EXOC6B: variants seen among roughly 807,000 people sequenced by gnomAD.
The protein encoded by EXOC6B is SEC15 homolog B.
In EXOC6B, 54 loss-of-function variants were observed where a neutral mutation model predicts 113.5. The observed-to-expected ratio is 0.48, with a 90% CI of 0.38 to 0.60. EXOC6B has a LOEUF of 0.60. EXOC6B is among the 20% of genes least tolerant of loss of function. The pLI, the probability that EXOC6B is intolerant of heterozygous loss-of-function variation, is 0.00. For synonymous variants in EXOC6B, 357 were observed against 339.0 expected, an observed-to-expected ratio of 1.05 and a Z score of -0.58; for missense variants, 797 against 977.5, an observed-to-expected ratio of 0.82 and a Z score of 2.46.
intron 18 of EXOC6B, among the ~76,000 whole-genome samples, chr2:72,388,197 C>T (rs536772134): frequency 6.6e-6 from 1 of 152,320 alleles, no homozygotes; most frequent in African/African-American, 2.4e-5. Context: ...AGAAACTTTG[C>T]TCCAACCAGT....
intron 8 of EXOC6B, among the ~76,000 whole-genome samples, chr2:72,551,590 C>T (rs1257859185): frequency 2.6e-5 from 4 of 151,748 alleles, no homozygotes; most frequent in Non-Finnish European, 4.4e-5. Flanking sequence ...CTGCAAGCTC[C>T]GCCTCCCGGG....
chr2:72,564,177 T>C (rs1704037654), intron 7 of EXOC6B, among the ~76,000 whole-genome samples: 1 of 152,168 alleles, frequency 6.6e-6, no homozygotes, highest in Non-Finnish European at 1.5e-5. Flanking sequence ...CCTCTACTGC[T>C]GATAAAGACA....
chr2:72,620,518 A>ATAATTTTAAATTTAAAT (rs1671682289), intron 6 of EXOC6B, among the ~76,000 whole-genome samples: 1 of 151,584 alleles, frequency 6.6e-6, no homozygotes, highest in African/African-American at 2.4e-5. Flanking sequence ...TAAATTTTAA[A>ATAATTTTAAATTTAAAT]TTTAAATTTA....
At position 72,815,264 on chromosome 2, in the gene EXOC6B, C is replaced by A. The variant is rs189760488; in HGVS notation, c.113+10534G>T. 3.3e-3 allele frequency among the ~76,000 whole-genome samples: 505 copies of A among 152,094 alleles called. 2 individuals carry two copies. Among genetic ancestry groups the A allele is most frequent in the African/African-American group, 0.011 (476 of 41,518 alleles). On this transcript the variant is annotated intron_variant, in intron 1 of 21. Coordinates refer to ENST00000272427, the MANE Select transcript of EXOC6B (RefSeq NM_015189.3). ...CTAGCACTTTGGGTGGCGAGGCAAG[C>A]GGATGGCTTGAGCCCAGGAGTTCGA...
chr2:72,517,367 T>C (rs1701267697), intron 8 of EXOC6B, among the ~76,000 whole-genome samples: 1 of 152,170 alleles, frequency 6.6e-6, no homozygotes, highest in African/African-American at 2.4e-5. Flanking sequence ...GGTTCATGGG[T>C]TATGGTTTGT....
chr2:72,431,190 TA>T (rs1695498323), intron 18 of EXOC6B, among the ~76,000 whole-genome samples: 1 of 152,210 alleles, frequency 6.6e-6, no homozygotes, highest in Non-Finnish European at 1.5e-5. Context: ...AGTGTTTAAA[TA>T]TTATAATTTT....
intron 8 of EXOC6B, among the ~76,000 whole-genome samples, chr2:72,545,230 G>A (rs1246436616): frequency 6.6e-6 from 1 of 152,030 alleles, no homozygotes; most frequent in African/African-American, 2.4e-5. Context: ...CCAGATCAAT[G>A]GTTGGTGAGA....
chr2:72,731,167 G>A lies in EXOC6B; in HGVS notation c.406C>T (p.Leu136=), dbSNP rs1680618405. 1 of 1,612,454 alleles carries A rather than the reference G, an allele frequency of 6.2e-7. No individual in the cohort carries two copies. Among genetic ancestry groups the A allele is most frequent in the Admixed American group, 1.7e-5 (1 of 59,840 alleles). The change falls in exon 4 of 22, where the codon CTG becomes TTG. Residue 136 remains leucine, a synonymous_variant. Transcript: ENST00000272427. The part of the protein sequence containing the change: ...NISATVDKLM[L]CLPVLEMYSK... ...TCCAGTTCCTCACCTGGAAGACACA[G>A]CATTAATTTATCAACAGTGGCAGAA...
chr2:72,276,028 G>A (rs754387725), intron 20 of EXOC6B, among the ~76,000 whole-genome samples: 1 of 152,126 alleles, frequency 6.6e-6, no homozygotes, highest in Non-Finnish European at 1.5e-5. Flanking sequence ...AGTAGGGAGT[G>A]GGGGATGGAG....
intron 6 of EXOC6B, among the ~76,000 whole-genome samples, chr2:72,587,040 G>T (rs751157049): frequency 3.9e-5 from 6 of 152,236 alleles, no homozygotes; most frequent in Admixed American, 6.5e-5. Flanking sequence ...ACTACCATTT[G>T]ACCTAGCAAT....
intron 11 of EXOC6B, among the ~76,000 whole-genome samples, chr2:72,501,116 T>C (rs1399330115): frequency 3.3e-5 from 5 of 152,146 alleles, no homozygotes; most frequent in South Asian, 2.1e-4. Flanking sequence ...CCTATAAACA[T>C]AGTATAAAAC....
At chr2:72,180,180 G>A (rs1677994202) in intron 21 of EXOC6B, among the ~76,000 whole-genome samples, 1 of 152,202 alleles carries the variant, frequency 6.6e-6, no homozygotes, top group African/African-American at 2.4e-5. Flanking sequence ...CTCAATGGCT[G>A]TCTGTACCCC....
intron 20 of EXOC6B, among the ~76,000 whole-genome samples, chr2:72,250,698 T>C (rs1187576791): frequency 6.6e-6 from 1 of 152,144 alleles, no homozygotes; most frequent in Non-Finnish European, 1.5e-5. Context: ...ATAAATTTAC[T>C]TGATTTGAAA....
chr2:72,347,942 A>G (rs1334003154), intron 19 of EXOC6B, among the ~76,000 whole-genome samples: 2 of 152,164 alleles, frequency 1.3e-5, no homozygotes, highest in Non-Finnish European at 2.9e-5. Flanking sequence ...TGGCTATGAA[A>G]TTGGAATTGA....
chr2:72,737,846 T>C (rs1681062401), intron 2 of EXOC6B, among the ~76,000 whole-genome samples: 1 of 152,036 alleles, frequency 6.6e-6, no homozygotes. Context: ...AGCAAGACTC[T>C]GTCTCAAAAA....
chr2:72,236,312 T>G (rs746116599), intron 20 of EXOC6B, among the ~76,000 whole-genome samples: 4 of 152,166 alleles, frequency 2.6e-5, no homozygotes, highest in Non-Finnish European at 5.9e-5. Context: ...CGAGATTAAA[T>G]GGTTTGAAAT....
chr2:72,583,114 A>G (rs1382563505), intron 6 of EXOC6B, among the ~76,000 whole-genome samples: 2 of 152,288 alleles, frequency 1.3e-5, no homozygotes, highest in Middle Eastern at 3.4e-3. Flanking sequence ...TTCAGACCTT[A>G]AAGACCAGTC....
chr2:72,736,880 G>T (rs981794487), intron 2 of EXOC6B, among the ~76,000 whole-genome samples: 29 of 152,098 alleles, frequency 1.9e-4, no homozygotes, highest in African/African-American at 7.0e-4. Context: ...TAGAAGATGG[G>T]ATGGCTAGGT....
chr2:72,416,935 G>A (rs963295846), intron 18 of EXOC6B, among the ~76,000 whole-genome samples: 11 of 151,978 alleles, frequency 7.2e-5, no homozygotes, highest in African/African-American at 1.9e-4. Flanking sequence ...CCACATACTC[G>A]TTCGGTACAT....
Sources: allele counts gnomAD v4.1 joint callset (sites outside exome capture counted in the v4.1 genomes callset), GRCh38; gene constraint gnomAD v4.1.1; transcripts MANE v1.5; gene names NCBI Gene and HGNC (gene_info 2026-07-23, HGNC 2026-07-21).